CEP89: variants seen among roughly 807,000 people sequenced by gnomAD.
The protein encoded by CEP89 is centrosomal protein of 89 kDa.
CEP89 carries 95 observed loss-of-function variants against 97.6 expected under a neutral mutation model. That is an observed-to-expected ratio of 0.97 (90% CI 0.82 to 1.15). The LOEUF (loss-of-function observed/expected upper bound fraction) is 1.15. Among genes scored for constraint, CEP89 ranks in the 50% most tolerant of loss-of-function variants. CEP89 has a pLI of 0.00. For missense variants in CEP89, 869 were observed against 947.7 expected (o/e 0.92, Z 1.09); for synonymous variants, 354 against 349.1 (o/e 1.01, Z -0.16).
At chr19:32,946,609 A>G (rs1970802931) in intron 5 of CEP89, among the ~76,000 whole-genome samples, 1 of 152,228 alleles carries the variant, frequency 6.6e-6, no homozygotes, top group Non-Finnish European at 1.5e-5. Context: ...TGTAGCTCCC[A>G]TAATTCCCTC....
intron 18 of CEP89, among the ~76,000 whole-genome samples, chr19:32,881,568 TATC>T (rs1354095961): frequency 6.6e-6 from 1 of 151,792 alleles, no homozygotes; most frequent in East Asian, 1.9e-4. Flanking sequence ...AAAATAAAAA[TATC>T]AGTGAGATGG....
At chr19:32,935,634 G>A (rs772120462) in intron 7 of CEP89, among the ~76,000 whole-genome samples, 12 of 152,174 alleles carry the variant, frequency 7.9e-5, no homozygotes, top group African/African-American at 1.4e-4. Context: ...AATCTGACGC[G>A]GAGGAGACTT....
At chr19:32,907,442 C>T (rs993479955) in intron 14 of CEP89, among the ~76,000 whole-genome samples, 2 of 147,172 alleles carry the variant, frequency 1.4e-5, no homozygotes, top group African/African-American at 5.1e-5. Context: ...CCAAACATGT[C>T]TGTGGTTTCT....
chr19:32,922,456 T>C (rs1473358634), intron 12 of CEP89, among the ~76,000 whole-genome samples: 1 of 152,104 alleles, frequency 6.6e-6, no homozygotes, highest in African/African-American at 2.4e-5. Context: ...GGTGGGAGGA[T>C]GGCTTTAGCC....
At chr19:32,967,546 A>C (rs1397114992) in intron 1 of CEP89, among the ~76,000 whole-genome samples, 8 of 152,184 alleles carry the variant, frequency 5.3e-5, no homozygotes, top group Non-Finnish European at 1.0e-4. Flanking sequence ...GTGGGATAAA[A>C]ACACTATTGT....
At chr19:32,950,608 G>A (rs1367693990) in intron 4 of CEP89, among the ~76,000 whole-genome samples, 3 of 152,154 alleles carry the variant, frequency 2.0e-5, no homozygotes, top group South Asian at 2.1e-4. Flanking sequence ...ATGGACAATC[G>A]TTTGGCAGTA....
chr19:32,886,805 C>G (rs534759758), intron 17 of CEP89, among the ~76,000 whole-genome samples: 109 of 151,252 alleles, frequency 7.2e-4, no homozygotes, highest in African/African-American at 2.5e-3. Context: ...CTCAATACTT[C>G]CATGCCGAGT....
At position 32,877,693 on chromosome 19, in the gene CEP89, C is replaced by T. The variant is rs985733584; in HGVS notation, c.*1469G>A. ...CTATAATCCCAACACTTTGGGAGGC[C>T]TAGGCAGGAGGATTGCTTGAAGCTA... On this transcript the variant is annotated 3_prime_UTR_variant, in exon 19 of 19. Coordinates refer to ENST00000305768, the MANE Select transcript of CEP89 (RefSeq NM_032816.5). The T allele has an allele frequency of 2.6e-5, 4 of 152,014 alleles. No homozygotes were observed. The highest frequency in any genetic ancestry group is 4.4e-5 in the Non-Finnish European group (3 of 68,054). The allele number at this position is 152,014 out of a possible 1,614,324, so 9.4% of individuals were successfully genotyped here.
intron 14 of CEP89, among the ~76,000 whole-genome samples, chr19:32,902,266 C>G (rs973767041): frequency 6.6e-6 from 1 of 152,076 alleles, no homozygotes; most frequent in South Asian, 2.1e-4. Flanking sequence ...TAGAGAGTAA[C>G]TTGGGATAGG....
intron 8 of CEP89, among the ~76,000 whole-genome samples, chr19:32,932,132 A>G (rs1434619648): frequency 1.3e-5 from 2 of 151,742 alleles, no homozygotes; most frequent in East Asian, 1.9e-4. Flanking sequence ...AGTGAGCCGA[A>G]ATCACGCCAC....
chr19:32,963,066 C>A (rs935772030), intron 2 of CEP89, among the ~76,000 whole-genome samples: 2 of 152,006 alleles, frequency 1.3e-5, no homozygotes, highest in African/African-American at 4.8e-5. Context: ...TAGAGAAATG[C>A]AAAATAAGAC....
Position 32,902,140 on chromosome 19 carries a change from A to T in CEP89, c.1566-728T>A, listed in dbSNP as rs1222346872. On this transcript the variant is annotated intron_variant, in intron 14 of 18. Coordinates refer to ENST00000305768, the MANE Select transcript of CEP89 (RefSeq NM_032816.5). ...CAGATTTATTTAAAAAAAACCTGCT[A>T]AAACAATTTTTCCATAATAATGTAA... 2.0e-5 allele frequency among the ~76,000 whole-genome samples: 3 copies of T among 151,816 alleles called. No homozygotes were observed. In the East Asian group the frequency reaches 5.8e-4, roughly 29 times the overall value.
rs936405591 is a variant in CEP89, at chr19:32,877,165, G to A, written c.*1997C>T. On this transcript the variant is annotated 3_prime_UTR_variant, in exon 19 of 19. Coordinates refer to ENST00000305768, the MANE Select transcript of CEP89 (RefSeq NM_032816.5). ...ATCCCAGTGAGTCTTTCTACCGCTT[G>A]TAAAATAAAATTAAATTACAATGAT... is the stretch of plus-strand genomic sequence containing the variant. 1.2e-4 allele frequency: 19 copies of A among 152,202 alleles called. No homozygotes were observed. The highest frequency in any genetic ancestry group is 4.3e-4 in the African/African-American group (18 of 41,448). The allele number at this position is 152,202 out of a possible 1,614,324, so 9.4% of individuals were successfully genotyped here. A position where few individuals can be genotyped will look rare whatever the true frequency, so the allele number is the denominator to read the frequency against.
At chr19:32,904,784 G>A (rs1330412029) in intron 14 of CEP89, among the ~76,000 whole-genome samples, 1 of 151,906 alleles carries the variant, frequency 6.6e-6, no homozygotes, top group East Asian at 1.9e-4. Flanking sequence ...TAGAGATGGG[G>A]TTTCACCCTG....
intron 2 of CEP89, among the ~76,000 whole-genome samples, chr19:32,963,343 G>A (rs28623087): frequency 0.29 from 44,309 of 151,974 alleles, 7,430 homozygotes; most frequent in African/African-American, 0.45. Flanking sequence ...GTGACAGAAT[G>A]AGACTCTGAT....
At chr19:32,913,627 C>T (rs932173511) in intron 14 of CEP89, among the ~76,000 whole-genome samples, 3 of 143,992 alleles carry the variant, frequency 2.1e-5, no homozygotes, top group African/African-American at 7.8e-5. Flanking sequence ...TACACACACA[C>T]ATACACACAC....
At chr19:32,952,686 T>C (rs1970947429) in intron 4 of CEP89, among the ~76,000 whole-genome samples, 2 of 151,714 alleles carry the variant, frequency 1.3e-5, no homozygotes, top group Admixed American at 1.3e-4. Flanking sequence ...GGCGGATCGC[T>C]TGAGGTCAGG....
chr19:32,931,418 G>A lies in CEP89; in HGVS notation c.1029+11C>T, dbSNP rs545608678. ...ATCTGAAAAGCTGATTTTCACAATC[G>A]GAAACGTTACCTCTTCCTTGGACAA... On this transcript the variant is annotated intron_variant, in intron 9 of 18. Transcript: ENST00000305768. 4.9e-5 allele frequency: 76 copies of A among 1,555,196 alleles called. No homozygotes were observed. The highest frequency in any genetic ancestry group is 4.8e-4 in the South Asian group (39 of 81,082).
chr19:32,951,511 T>TTATATATATATATATA (rs72440449), intron 4 of CEP89, among the ~76,000 whole-genome samples: 3 of 132,060 alleles, frequency 2.3e-5, no homozygotes, highest in African/African-American at 9.1e-5. Flanking sequence ...CAACAAAAAA[T>TTATATATATATATATA]TATATATATA....
Sources: gnomAD v4.1 joint callset for allele counts (sites outside exome capture counted in the v4.1 genomes callset) on GRCh38, gnomAD v4.1.1 for gene constraint, MANE v1.5 for transcripts, NCBI Gene and HGNC (gene_info 2026-07-23, HGNC 2026-07-21) for gene names.